The following ADAD2 variants were observed in gnomAD, a reference collection of about 807,000 sequenced individuals.
ADAD2 encodes adenosine deaminase domain containing 2.
Under a neutral mutation model 54.5 loss-of-function variants are expected in ADAD2, and 60 were observed. That is an observed-to-expected ratio of 1.10 (90% confidence interval 0.89 to 1.36). The LOEUF is 1.36. ADAD2 is among the 40% of genes most tolerant of loss of function. The probability of loss-of-function intolerance (pLI) is 0.00; values close to 1 mark genes in which losing one functional copy is unlikely to be tolerated. For synonymous variants in ADAD2, 543 were observed against 366.2 expected (o/e 1.48, Z -5.51); for missense variants, 1,103 against 801.3 (o/e 1.38, Z -4.54).
chr16:84,196,385 C>A lies in ADAD2; in HGVS notation c.1526+15C>A. ...GTGAAGGCCAAGTGAGAAGGGCCCCCTGGGGCCGGGCTGTGGAGCAGTGCT... is the reference window on the plus strand; with the variant it reads ...GTGAAGGCCAAGTGAGAAGGGCCCCATGGGGCCGGGCTGTGGAGCAGTGCT... On this transcript the variant is annotated intron_variant, in intron 8 of 9. Transcript: ENST00000315906. The A allele has an allele frequency of 6.2e-7, 1 of 1,605,372 alleles. No individual in the cohort carries two copies.
chr16:84,191,581 G>T lies in ADAD2; in HGVS notation c.351G>T (p.Val117=). ...AAGACCCACCTGCCAGCCAGGCCGT[G>T]TCCTTGCTCACGGAGTACGCGGCCA... ...PLKDPPASQA[V]SLLTEYAASL... is the part of the protein sequence containing the mutation. The change falls in exon 1 of 10, where the codon GTG becomes GTT. Residue 117 remains valine (V), a synonymous_variant. Coordinates refer to ENST00000315906, the MANE Select transcript of ADAD2 (RefSeq NM_001145400.2). The T allele has an allele frequency of 1.3e-6, 2 of 1,549,982 alleles. No homozygotes were observed. The highest frequency in any genetic ancestry group is 1.7e-6 in the Non-Finnish European group (2 of 1,147,114).
chr16:84,193,409 G>A (rs2151326504), intron 1 of ADAD2: 1 of 152,382 alleles, frequency 6.6e-6, no homozygotes, highest in Non-Finnish European at 1.5e-5. Context: ...TTTTGCGAAT[G>A]TCCTTCAGCT....
In ADAD2 at chr16:84,196,750, A is replaced by T; in HGVS notation, c.1630A>T (p.Thr544Ser). 1 of 1,611,710 alleles carries T rather than the reference A, an allele frequency of 6.2e-7. No individual in the cohort carries two copies. Residue 544 changes from threonine (T) to serine (S), a missense_variant, in exon 9 of 10, where the codon ACC becomes TCC. Transcript: ENST00000315906. Reference protein sequence around the residue: ...VGKPYLLALKTYEAAKAGPYQ... With the variant: ...VGKPYLLALKSYEAAKAGPYQ... Reference sequence around the variant, plus strand: ...GAAGCCCTACCTCCTGGCCTTGAAGACCTACGAGGCTGCCAAGGTTGGTTC... The same window carrying T: ...GAAGCCCTACCTCCTGGCCTTGAAGTCCTACGAGGCTGCCAAGGTTGGTTC...
chr16:84,194,352 C>G (rs1420564397), intron 1 of ADAD2, 90 bp from the exon 2 acceptor site: 10 of 1,548,888 alleles, frequency 6.5e-6, no homozygotes, highest in African/African-American at 2.7e-5. Context: ...TCTGACCGTC[C>G]TCGATATCAG....
intron 8 of ADAD2, 108 bp from the exon 9 acceptor site, chr16:84,196,539 G>A: frequency 6.4e-6 from 10 of 1,555,860 alleles, no homozygotes; most frequent in Non-Finnish European, 7.0e-6. Context: ...TGCCCTGTGA[G>A]TCCTGTGACA....
At chr16:84,194,295 C>G (rs80156688) in intron 1 of ADAD2, 147 bp from the exon 2 acceptor site, 2 of 1,547,448 alleles carry the variant, frequency 1.3e-6, no homozygotes, top group African/African-American at 2.7e-5. Context: ...CATGGGGTGG[C>G]GATGGAGCCT....
At position 84,195,209 on chromosome 16, in the gene ADAD2, AGCCCTG is replaced by A; in HGVS notation, c.733+26_733+31del. ...CCTGGAGAGGGGTAGGGATCGCCCC[AGCCCTG>A]GCCCTGGCCCCGGCCCCCTGGGAAG... On this transcript the variant is annotated intron_variant, in intron 4 of 9. Transcript: ENST00000315906. 1.2e-6 allele frequency: 2 copies of A among 1,611,320 alleles called. No homozygotes were observed. The highest frequency in any genetic ancestry group is 1.1e-5 in the South Asian group (1 of 90,988).
rs770482955 is a variant in ADAD2 at position 84,196,637 on chromosome 16, C to T, written c.1527-10C>T. On this transcript the variant is annotated splice_polypyrimidine_tract_variant and intron_variant, in intron 8 of 9. Transcript: ENST00000315906. ...CTCTCTGATCTCAGTGGTATCCTCT[C>T]TTCATCCAGTGCCGCCCTGGGGCCT... is the stretch of plus-strand genomic sequence containing the variant. 3.1e-6 allele frequency: 5 copies of T among 1,612,754 alleles called. No homozygotes were observed. The South Asian group carries it at 4.4e-5, about 14-fold the overall frequency.
intron 1 of ADAD2, 70 bp downstream of exon 1, chr16:84,191,718 G>A: frequency 6.5e-7 from 1 of 1,537,256 alleles, no homozygotes; most frequent in Non-Finnish European, 8.7e-7. Flanking sequence ...AGGACGTGGG[G>A]AGCAGGGGGT....
Position 84,191,364 on chromosome 16 carries a change from C to A in ADAD2, c.134C>A (p.Pro45His). The A allele has an allele frequency of 6.6e-7, 1 of 1,522,050 alleles. No individual in the cohort carries two copies. Among genetic ancestry groups the A allele is most frequent in the Non-Finnish European group, 8.8e-7 (1 of 1,137,990 alleles). 94.3% of individuals were successfully genotyped at this position (1,522,050 alleles called of 1,614,324 possible). ...LPAQAQSAWGPAPAPATYRAE... is the reference protein window; with the variant it reads ...LPAQAQSAWGHAPAPATYRAE... ...GCCCAGGCCCAAAGTGCCTGGGGGC[C>A]CGCGCCCGCGCCCGCGACGTATCGC... Residue 45 changes from proline (P) to histidine (H), a missense_variant, in exon 1 of 10, where the codon CCC (proline) becomes CAC (histidine). Pro to His is a moderately conservative substitution (Grantham distance 77). Transcript: ENST00000315906.
At position 84,191,441 on chromosome 16, in the gene ADAD2, G is replaced by A. The variant is rs2151325429; in HGVS notation, c.211G>A (p.Ala71Thr). ...GGTGTTGAGGGACAGTGGGCCTGGG[G>A]CAGGGGCCGGAGTCGGGGAACTGGG... The part of the protein sequence containing the change: ...VSVLRDSGPG[A>T]GAGVGELGAA... Residue 71 changes from alanine (A) to threonine (T), a missense_variant, in exon 1 of 10, where the codon GCA (alanine) becomes ACA (threonine). Transcript: ENST00000315906. The A allele has an allele frequency of 6.6e-7, 1 of 1,515,908 alleles. No individual in the cohort carries two copies. The highest frequency in any genetic ancestry group is 8.8e-7 in the Non-Finnish European group (1 of 1,134,946). The allele number at this position is 1,515,908 out of a possible 1,614,324, so 93.9% of individuals were successfully genotyped here.
intron 6 of ADAD2, 35 bp downstream of exon 6, chr16:84,195,732 G>T (rs1295995340): frequency 1.3e-5 from 20 of 1,529,596 alleles, no homozygotes; most frequent in Non-Finnish European, 1.8e-5. Flanking sequence ...GGGGGATGGG[G>T]CTCCCTCGGT....
intron 1 of ADAD2, 98 bp downstream of exon 1, chr16:84,191,746 T>C (rs1250368003): frequency 6.6e-7 from 1 of 1,506,902 alleles, no homozygotes; most frequent in Admixed American, 2.0e-5. Context: ...AGGTGGACCT[T>C]GGTCCCTATG....
At position 84,191,280 on chromosome 16, in the gene ADAD2, C is replaced by T. The variant is rs752545898; in HGVS notation, c.50C>T (p.Pro17Leu). 40 of 1,603,124 alleles carry T rather than the reference C, an allele frequency of 2.5e-5. No individual in the cohort carries two copies. Among genetic ancestry groups the T allele is most frequent in the Non-Finnish European group, 3.3e-5 (39 of 1,175,428 alleles). ...GACGACGACGGCAGTCGTAGGAAGC[C>T]CCGCCTGGCTGCATCGTTGCAGATC... ...GADDDGSRRK[P>L]RLAASLQISP... The change falls in exon 1 of 10, where the codon CCC becomes CTC. Residue 17 changes from proline (P) to leucine (L), a missense_variant. Coordinates refer to ENST00000315906, the MANE Select transcript of ADAD2 (RefSeq NM_001145400.2).
rs762885863 is a variant in ADAD2 at position 84,195,115 on chromosome 16, C to T, written c.654C>T (p.Ala218=). The change falls in exon 4 of 10, where the codon GCC becomes GCT. Residue 218 remains alanine, a synonymous_variant. Coordinates refer to ENST00000315906, the MANE Select transcript of ADAD2 (RefSeq NM_001145400.2). ...AGCGCTGCGCAGCGTTGGTGAGCGC[C>T]GGCTTTGACCTCCTGTTGGACGAGC... ...HEQRCAALVS[A]GFDLLLDERS... 1.4e-5 allele frequency: 23 copies of T among 1,613,606 alleles called. No homozygotes were observed. Among genetic ancestry groups the T allele is most frequent in the African/African-American group, 2.7e-5 (2 of 74,938 alleles).
At position 84,194,955 on chromosome 16, in the gene ADAD2, G is replaced by A; in HGVS notation, c.582G>A (p.Arg194=). ...ENPESPQTSS[R]PPLAPLSVEN... is the part of the protein sequence containing the mutation. Reference sequence around the variant, plus strand: ...CAGAGTCCCCCCAGACCTCCAGCCGGCCTCCACTGGCCCCCCTGAGCGTAG... The same window carrying A: ...CAGAGTCCCCCCAGACCTCCAGCCGACCTCCACTGGCCCCCCTGAGCGTAG... Residue 194 remains arginine (R), a synonymous_variant, in exon 3 of 10, where the codon CGG becomes CGA. Transcript: ENST00000315906. 6.2e-7 allele frequency: 1 copy of A among 1,612,352 alleles called. No individual in the cohort carries two copies. The highest frequency in any genetic ancestry group is 8.5e-7 in the Non-Finnish European group (1 of 1,179,356).
Position 84,191,168 on chromosome 16 carries a change from G to T in ADAD2, c.-63G>T. ...CCCCACGTGAAGGCACCCGCCCTGC[G>T]CGTGTGAAAGGGCGAGAGCAGCGCG... On this transcript the variant is annotated 5_prime_UTR_variant, in exon 1 of 10. Transcript: ENST00000315906. 1.3e-6 allele frequency: 2 copies of T among 1,555,292 alleles called. No homozygotes were observed. Among genetic ancestry groups the T allele is most frequent in the South Asian group, 2.3e-5 (2 of 85,730 alleles).
Position 84,197,126 on chromosome 16 carries a change from C to G in ADAD2, c.*152C>G. ...GGAGCCTGCTGTGGTTGGGAGGCGG[C>G]TGCTGCACGTTTGGGCTTGAATAAA... On this transcript the variant is annotated 3_prime_UTR_variant, in exon 10 of 10. Transcript: ENST00000315906. 1 of 733,508 alleles carries G rather than the reference C, an allele frequency of 1.4e-6. No individual in the cohort carries two copies. The highest frequency in any genetic ancestry group is 1.8e-5 in the South Asian group (1 of 55,206). 45.4% of individuals were successfully genotyped at this position (733,508 alleles called of 1,614,324 possible).
intron 1 of ADAD2, 91 bp from the exon 2 acceptor site, chr16:84,194,351 C>T: frequency 6.5e-7 from 1 of 1,548,520 alleles, no homozygotes; most frequent in South Asian, 1.2e-5. Flanking sequence ...TTCTGACCGT[C>T]CTCGATATCA....
Sources: gnomAD v4.1 joint callset for allele counts on GRCh38, gnomAD v4.1.1 for gene constraint, MANE v1.5 for transcripts, NCBI Gene and HGNC (gene_info 2026-07-23, HGNC 2026-07-21) for gene names.